The following CNTNAP4 variants were observed in gnomAD, a reference collection of about 807,000 sequenced individuals.
CNTNAP4 encodes contactin associated protein family member 4.
Under a neutral mutation model 148.4 loss-of-function variants are expected in CNTNAP4, and 98 were observed. That is an observed-to-expected ratio of 0.66 (90% CI 0.56 to 0.78). CNTNAP4 has a LOEUF of 0.78. Among genes scored for constraint, CNTNAP4 ranks in the 30% least tolerant of loss-of-function variants. The pLI, the probability that CNTNAP4 is intolerant of heterozygous loss-of-function variation, is 0.00. For missense variants in CNTNAP4, 1,935 were observed against 1,565.6 expected, an observed-to-expected ratio of 1.24 and a Z score of -3.98; for synonymous variants, 730 against 565.1, an observed-to-expected ratio of 1.29 and a Z score of -4.14.
chr16:76,338,686 A>G (rs979549683), intron 2 of CNTNAP4, among the ~76,000 whole-genome samples: 1 of 152,168 alleles, frequency 6.6e-6, no homozygotes, highest in African/African-American at 2.4e-5. Flanking sequence ...AGGAAATGAC[A>G]TCATCTGAGA....
intron 16 of CNTNAP4, 36 bp from the exon 17 acceptor site, chr16:76,522,003 A>G: frequency 6.3e-7 from 1 of 1,594,366 alleles, no homozygotes; most frequent in South Asian, 1.1e-5. Context: ...CGCCATAGGA[A>G]CTCACTAGAA....
chr16:76,499,604 G>A (rs912245769), intron 15 of CNTNAP4, among the ~76,000 whole-genome samples: 1 of 150,654 alleles, frequency 6.6e-6, no homozygotes, highest in African/African-American at 2.4e-5. Flanking sequence ...GTGTTTCTCG[G>A]AGAGGGGGAT....
intron 2 of CNTNAP4, among the ~76,000 whole-genome samples, chr16:76,334,896 C>T (rs1012971466): frequency 5.3e-5 from 8 of 152,042 alleles, no homozygotes; most frequent in Admixed American, 1.3e-4. Context: ...TCTGGTTAAC[C>T]TTGATAGCTC....
chr16:76,345,535 G>A (rs1964831280), intron 2 of CNTNAP4, among the ~76,000 whole-genome samples: 1 of 152,170 alleles, frequency 6.6e-6, no homozygotes. Flanking sequence ...GCTGGGCTGA[G>A]CTAGTGGAAA....
chr16:76,407,907 G>T (rs2078651109), intron 3 of CNTNAP4, among the ~76,000 whole-genome samples: 1 of 151,836 alleles, frequency 6.6e-6, no homozygotes, highest in African/African-American at 2.4e-5. Flanking sequence ...AATTAATGTG[G>T]CAAACTTCAT....
rs559952842 is a variant in CNTNAP4, at chr16:76,429,218, A to G, written c.538+1619A>G. On this transcript the variant is annotated intron_variant, in intron 4 of 23. Transcript: ENST00000611870. ...CATTAAAAAAATCCTACCCCCAATT[A>G]TGATCCTGCAAACTAGAAGTTGGAC... 4.6e-5 allele frequency among the ~76,000 whole-genome samples: 7 copies of G among 152,248 alleles called. No individual in the cohort carries two copies. The East Asian group carries it at 1.2e-3, about 25-fold the overall frequency.
At chr16:76,453,476 A>G (rs1387684826) in intron 8 of CNTNAP4, among the ~76,000 whole-genome samples, 2 of 152,224 alleles carry the variant, frequency 1.3e-5, no homozygotes, top group Non-Finnish European at 2.9e-5. Context: ...TTAAAATTAT[A>G]AAGTTCTTGA....
At chr16:76,505,089 A>G (rs1021406041) in intron 15 of CNTNAP4, among the ~76,000 whole-genome samples, 1 of 152,208 alleles carries the variant, frequency 6.6e-6, no homozygotes, top group Non-Finnish European at 1.5e-5. Context: ...CATTTACCAT[A>G]TGACCCAGCA....
chr16:76,485,674 A>G (rs935355950), intron 12 of CNTNAP4, among the ~76,000 whole-genome samples: 4 of 152,176 alleles, frequency 2.6e-5, no homozygotes, highest in African/African-American at 7.2e-5. Flanking sequence ...ATTACTAACA[A>G]GTACCCCAGG....
At chr16:76,434,257 A>T (rs1408166183) in intron 4 of CNTNAP4, among the ~76,000 whole-genome samples, 1 of 152,268 alleles carries the variant, frequency 6.6e-6, no homozygotes, top group Non-Finnish European at 1.5e-5. Context: ...TCTCCAAATA[A>T]GATTATGACA....
intron 2 of CNTNAP4, among the ~76,000 whole-genome samples, chr16:76,331,658 A>C (rs963901910): frequency 1.3e-5 from 2 of 152,146 alleles, no homozygotes; most frequent in African/African-American, 4.8e-5. Context: ...TGATTTTCAC[A>C]AATTATATCC....
intron 1 of CNTNAP4, among the ~76,000 whole-genome samples, chr16:76,281,908 T>C (rs1025560393): frequency 2.0e-5 from 3 of 151,964 alleles, no homozygotes; most frequent in African/African-American, 7.2e-5. Flanking sequence ...AAATTTCTAC[T>C]CAAATATTAG....
intron 1 of CNTNAP4, among the ~76,000 whole-genome samples, chr16:76,289,675 C>T (rs1243726066): frequency 2.6e-5 from 4 of 152,024 alleles, no homozygotes; most frequent in African/African-American, 7.2e-5. Flanking sequence ...CAGGTTCAAG[C>T]AATTCTCCTT....
At position 76,535,788 on chromosome 16, in the gene CNTNAP4, A is replaced by T. The variant is rs1161744393; in HGVS notation, c.2995+4A>T. On this transcript the variant is annotated splice_donor_region_variant and intron_variant, in intron 18 of 23. Coordinates refer to ENST00000611870, the MANE Select transcript of CNTNAP4 (RefSeq NM_033401.5). ...ACAGGGCCATTCTGCTCAAATGGTA[A>T]GTGTGGCATGGAAGACTGTAAGAGG... 1 of 1,611,238 alleles carries T rather than the reference A, an allele frequency of 6.2e-7. No homozygotes were observed. Among genetic ancestry groups the T allele is most frequent in the Non-Finnish European group, 8.5e-7 (1 of 1,177,942 alleles).
At chr16:76,452,381 G>C in intron 7 of CNTNAP4, 127 bp from the exon 8 acceptor site, 9 of 854,176 alleles carry the variant, frequency 1.1e-5, no homozygotes, top group Non-Finnish European at 1.1e-5. Flanking sequence ...GGTTTGGACT[G>C]TCATGTTGAT....
intron 17 of CNTNAP4, among the ~76,000 whole-genome samples, chr16:76,533,068 C>T (rs2084054514): frequency 6.6e-6 from 1 of 151,874 alleles, no homozygotes; most frequent in Non-Finnish European, 1.5e-5. Context: ...TGACAATAGC[C>T]AAGATGTGGA....
intron 3 of CNTNAP4, among the ~76,000 whole-genome samples, chr16:76,362,640 GAACA>G (rs1282153759): frequency 8.5e-5 from 13 of 152,106 alleles, no homozygotes; most frequent in African/African-American, 3.1e-4. Context: ...AGGGTGTCAA[GAACA>G]AACAAAGGAA....
At chr16:76,343,788 A>G (rs1964684828) in intron 2 of CNTNAP4, among the ~76,000 whole-genome samples, 1 of 152,148 alleles carries the variant, frequency 6.6e-6, no homozygotes, top group Non-Finnish European at 1.5e-5. Flanking sequence ...AACACGTGTA[A>G]TAATCAAGAA....
intron 3 of CNTNAP4, among the ~76,000 whole-genome samples, chr16:76,361,418 C>G (rs2013427477): frequency 6.6e-6 from 1 of 152,166 alleles, no homozygotes; most frequent in Admixed American, 6.5e-5. Context: ...TCTTCTGTGA[C>G]TGGCTTATTT....
Sources: gnomAD v4.1 joint callset for allele counts (sites outside exome capture counted in the v4.1 genomes callset) on GRCh38, gnomAD v4.1.1 for gene constraint, MANE v1.5 for transcripts, NCBI Gene and HGNC (gene_info 2026-07-23, HGNC 2026-07-21) for gene names.